TMEM108: variants seen among roughly 807,000 people sequenced by gnomAD.
The protein encoded by TMEM108 is cancer/testis antigen 124.
TMEM108 carries 12 observed loss-of-function variants against 35.1 expected under a neutral mutation model. The observed-to-expected ratio is 0.34, with a 90% CI of 0.22 to 0.55. TMEM108 has a LOEUF of 0.55. Among genes scored for constraint, TMEM108 ranks in the 20% least tolerant of loss-of-function variants. The pLI is 0.89. For synonymous variants in TMEM108, 287 were observed against 308.6 expected (o/e 0.93, Z 0.73); for missense variants, 680 against 753.3 (o/e 0.90, Z 1.14).
chr3:133,287,086 C>G (rs531444374), intron 3 of TMEM108, among the ~76,000 whole-genome samples: 1 of 152,120 alleles, frequency 6.6e-6, no homozygotes, highest in Admixed American at 6.6e-5. Flanking sequence ...AGGCTCAGGT[C>G]CCTCAAAGAC....
At chr3:133,145,638 C>T (rs576988346) in intron 2 of TMEM108, among the ~76,000 whole-genome samples, 16 of 152,264 alleles carry the variant, frequency 1.1e-4, no homozygotes, top group Admixed American at 7.2e-4. Context: ...GCTCTTATTT[C>T]GTTGAGCAGT....
intron 2 of TMEM108, among the ~76,000 whole-genome samples, chr3:133,204,601 T>C (rs1444242307): frequency 6.6e-6 from 1 of 152,212 alleles, no homozygotes; most frequent in Non-Finnish European, 1.5e-5. Flanking sequence ...TTCTGTGTAG[T>C]TGTGTGGTTT....
At chr3:133,213,024 C>T (rs965867519) in intron 2 of TMEM108, among the ~76,000 whole-genome samples, 5 of 151,896 alleles carry the variant, frequency 3.3e-5, no homozygotes, top group African/African-American at 1.2e-4. Context: ...TAACCCAAAC[C>T]CAGCCCTGTG....
intron 2 of TMEM108, among the ~76,000 whole-genome samples, chr3:133,169,638 A>G (rs1394758357): frequency 6.6e-6 from 1 of 152,080 alleles, no homozygotes; most frequent in East Asian, 1.9e-4. Context: ...TTTCCCATGT[A>G]ACTCCAGATT....
chr3:133,258,839 T>C (rs574761619), intron 3 of TMEM108, among the ~76,000 whole-genome samples: 7 of 152,374 alleles, frequency 4.6e-5, no homozygotes, highest in Admixed American at 3.3e-4. Flanking sequence ...AGAATTGTTA[T>C]GTAGGCAACA....
intron 2 of TMEM108, among the ~76,000 whole-genome samples, chr3:133,102,979 C>A (rs894003179): frequency 6.6e-6 from 1 of 152,172 alleles, no homozygotes; most frequent in African/African-American, 2.4e-5. Context: ...AACACTTAAA[C>A]ACTGTTGGTG....
At chr3:133,373,376 T>G (rs2072735306) in intron 3 of TMEM108, among the ~76,000 whole-genome samples, 1 of 130,314 alleles carries the variant, frequency 7.7e-6, no homozygotes, top group African/African-American at 3.0e-5. Flanking sequence ...GAAATTTAGA[T>G]AGATAGATGA....
rs767667977 is a variant in TMEM108, at chr3:133,395,900, G to A, written c.1642G>A (p.Asp548Asn). 2.3e-5 allele frequency: 36 copies of A among 1,597,552 alleles called. No homozygotes were observed. Among genetic ancestry groups the A allele is most frequent in the South Asian group, 3.4e-5 (3 of 88,442 alleles). Residue 548 changes from aspartate to asparagine, a missense_variant, in exon 6 of 6, where the codon GAC (aspartate) becomes AAC (asparagine). Physicochemically the swap from Asp to Asn is conservative, Grantham distance 23. Around this residue, in one of 3 missense-constraint regions of TMEM108, gnomAD observed 105 missense variants for 150.7 expected, o/e 0.70. Coordinates refer to ENST00000321871, the MANE Select transcript of TMEM108 (RefSeq NM_023943.4). ...LSEPRSPANG[D>N]YRDTGMVLVN... is the part of the protein sequence containing the mutation. ...AGAGCCCCGCTCCCCAGCCAATGGC[G>A]ACTATAGAGACACTGGGATGGTCCT...
intron 2 of TMEM108, among the ~76,000 whole-genome samples, chr3:133,133,155 A>AGGCAGC (rs1944513213): frequency 1.2e-5 from 1 of 80,746 alleles, no homozygotes; most frequent in Non-Finnish European, 2.4e-5. Context: ...AACTTAGTTG[A>AGGCAGC]TGCAGCAGCA....
intron 3 of TMEM108, among the ~76,000 whole-genome samples, chr3:133,310,670 C>A (rs2071115381): frequency 6.6e-6 from 1 of 150,798 alleles, no homozygotes; most frequent in African/African-American, 2.4e-5. Context: ...AGTCTTGACT[C>A]CGTCCAATTT....
At chr3:133,192,061 G>A (rs1945506125) in intron 2 of TMEM108, among the ~76,000 whole-genome samples, 1 of 152,092 alleles carries the variant, frequency 6.6e-6, no homozygotes, top group Non-Finnish European at 1.5e-5. Flanking sequence ...TGGCTATTTT[G>A]CTGAGATCAT....
chr3:133,069,615 C>T (rs1053399339), intron 2 of TMEM108, among the ~76,000 whole-genome samples: 1 of 152,130 alleles, frequency 6.6e-6, no homozygotes, highest in African/African-American at 2.4e-5. Flanking sequence ...TTATTTAATA[C>T]CCAAACTCCT....
At chr3:133,076,336 C>T (rs1454002772) in intron 2 of TMEM108, among the ~76,000 whole-genome samples, 1 of 151,094 alleles carries the variant, frequency 6.6e-6, no homozygotes, top group Non-Finnish European at 1.5e-5. Context: ...TCAAGGATGC[C>T]ACTGCCTCAT....
intron 3 of TMEM108, among the ~76,000 whole-genome samples, chr3:133,371,631 A>AC (rs2072678393): frequency 6.6e-6 from 1 of 150,662 alleles, no homozygotes; most frequent in Non-Finnish European, 1.5e-5. Flanking sequence ...AAAAAAAAAA[A>AC]AAAAAAAACC....
At chr3:133,182,180 C>T (rs976416872) in intron 2 of TMEM108, among the ~76,000 whole-genome samples, 2 of 152,144 alleles carry the variant, frequency 1.3e-5, no homozygotes, top group Admixed American at 6.5e-5. Flanking sequence ...TTAATGGAAG[C>T]AGAGTCCTTT....
chr3:133,107,726 A>T (rs940651578), intron 2 of TMEM108, among the ~76,000 whole-genome samples: 3 of 152,142 alleles, frequency 2.0e-5, no homozygotes, highest in African/African-American at 7.2e-5. Context: ...GTCTCTGAGA[A>T]CTTTAGGTCT....
chr3:133,073,756 T>C (rs1324417374), intron 2 of TMEM108, among the ~76,000 whole-genome samples: 1 of 151,778 alleles, frequency 6.6e-6, no homozygotes, highest in Non-Finnish European at 1.5e-5. Flanking sequence ...ATAGTCACTG[T>C]ATTAATTTAC....
At chr3:133,360,007 T>TAAA (rs59374214) in intron 3 of TMEM108, among the ~76,000 whole-genome samples, 5,036 of 112,718 alleles carry the variant, frequency 0.045, 129 homozygotes, top group Non-Finnish European at 0.065. Flanking sequence ...ACTCAACAGT[T>TAAA]AAAAAAAAAA....
chr3:133,084,369 C>T (rs1264471712), intron 2 of TMEM108, among the ~76,000 whole-genome samples: 3 of 152,198 alleles, frequency 2.0e-5, no homozygotes, highest in African/African-American at 7.2e-5. Context: ...TCCAGCCACT[C>T]TTCCCTTCTC....
Sources: allele counts gnomAD v4.1 joint callset (sites outside exome capture counted in the v4.1 genomes callset), GRCh38; gene constraint gnomAD v4.1.1; regional missense constraint gnomAD v4.1.1; transcripts MANE v1.5; gene names NCBI Gene and HGNC (gene_info 2026-07-23, HGNC 2026-07-21).